The following ADGRL3 variants were observed in gnomAD, a reference collection of about 807,000 sequenced individuals.
The protein encoded by ADGRL3 is calcium-independent alpha-latrotoxin receptor 3.
Under a neutral mutation model 153.5 loss-of-function variants are expected in ADGRL3, and 62 were observed. The observed-to-expected ratio is 0.40, with a 90% CI of 0.33 to 0.50. The LOEUF (loss-of-function observed/expected upper bound fraction) is 0.50. Ranked by LOEUF, ADGRL3 falls within the 20% of genes least tolerant of loss-of-function variation. ADGRL3 has a pLI of 0.47. For missense variants in ADGRL3, 1,641 were observed against 1,859.4 expected (o/e 0.88, Z 2.16); for synonymous variants, 710 against 672.5 (o/e 1.06, Z -0.86).
rs568834862 is a variant in ADGRL3 at position 61,209,812 on chromosome 4, C to T, written c.-240+8047C>T. 6.6e-5 allele frequency among the ~76,000 whole-genome samples: 10 copies of T among 152,212 alleles called. 1 individual carries two copies. The highest frequency in any genetic ancestry group is 3.9e-4 in the Admixed American group (6 of 15,290). On this transcript the variant is annotated intron_variant, in intron 1 of 26. Coordinates refer to ENST00000683033, the MANE Select transcript of ADGRL3 (RefSeq NM_001387552.1). ...AATTTAAGATGTTTTAAATTAAATGCCCTATTATCTTTTCACATGTCAATC... is the reference window on the plus strand; with the variant it reads ...AATTTAAGATGTTTTAAATTAAATGTCCTATTATCTTTTCACATGTCAATC...
At chr4:61,705,781 G>C (rs2095847671) in intron 6 of ADGRL3, among the ~76,000 whole-genome samples, 1 of 152,094 alleles carries the variant, frequency 6.6e-6, no homozygotes, top group Non-Finnish European at 1.5e-5. Flanking sequence ...TAAGATTACA[G>C]GCATGAACCA....
intron 1 of ADGRL3, among the ~76,000 whole-genome samples, chr4:61,210,868 G>A (rs1739673268): frequency 1.3e-5 from 2 of 152,222 alleles, no homozygotes; most frequent in Non-Finnish European, 2.9e-5. Context: ...GGCTTTAAAT[G>A]TTCGGTTGAT....
At chr4:61,307,467 G>C (rs2094834426) in intron 1 of ADGRL3, among the ~76,000 whole-genome samples, 1 of 151,866 alleles carries the variant, frequency 6.6e-6, no homozygotes, top group Non-Finnish European at 1.5e-5. Flanking sequence ...GAAACCAGGG[G>C]CCTTTAACTT....
chr4:61,296,868 T>C (rs1014706584), intron 1 of ADGRL3, among the ~76,000 whole-genome samples: 7 of 152,184 alleles, frequency 4.6e-5, no homozygotes, highest in African/African-American at 9.7e-5. Flanking sequence ...TTTCCATTCT[T>C]TGACTCACTT....
At chr4:61,720,834 A>G (rs1233591497) in intron 6 of ADGRL3, among the ~76,000 whole-genome samples, 1 of 152,206 alleles carries the variant, frequency 6.6e-6, no homozygotes, top group Non-Finnish European at 1.5e-5. Flanking sequence ...CATAATTATC[A>G]TAATCCTTAT....
At chr4:61,683,046 G>A (rs1260438095) in intron 6 of ADGRL3, among the ~76,000 whole-genome samples, 1 of 151,820 alleles carries the variant, frequency 6.6e-6, no homozygotes, top group African/African-American at 2.4e-5. Flanking sequence ...ATTTGACTAG[G>A]GTGGTGGTGG....
Position 61,732,857 on chromosome 4 carries a change from T to G in ADGRL3, c.702T>G (p.Ser234=). ...GGTGCAAAGACCCTCTGCAGGCATC[T>G]GACAAGATTTATTATATGCCCTGGA... The part of the protein sequence containing the change: ...GAWCKDPLQA[S]DKIYYMPWTP... Residue 234 remains serine (S), a synonymous_variant, in exon 8 of 27, where the codon TCT becomes TCG. Transcript: ENST00000683033. 1.2e-6 allele frequency: 2 copies of G among 1,613,586 alleles called. No individual in the cohort carries two copies. Among genetic ancestry groups the G allele is most frequent in the Non-Finnish European group, 1.7e-6 (2 of 1,179,780 alleles).
chr4:61,737,216 G>A (rs2096529414), intron 8 of ADGRL3, among the ~76,000 whole-genome samples: 1 of 152,142 alleles, frequency 6.6e-6, no homozygotes, highest in African/African-American at 2.4e-5. Context: ...TAGACCCAAA[G>A]TGTATTTGTC....
At chr4:61,329,912 G>C (rs2095538144) in intron 1 of ADGRL3, among the ~76,000 whole-genome samples, 1 of 152,120 alleles carries the variant, frequency 6.6e-6, no homozygotes, top group Non-Finnish European at 1.5e-5. Context: ...AAAACCTAAG[G>C]TTAGTCCATG....
intron 2 of ADGRL3, among the ~76,000 whole-genome samples, chr4:61,466,027 C>G (rs2152644657): frequency 6.6e-6 from 1 of 151,800 alleles, no homozygotes; most frequent in East Asian, 1.9e-4. Flanking sequence ...GAGGCTGAGA[C>G]AGGAGAATCA....
intron 1 of ADGRL3, among the ~76,000 whole-genome samples, chr4:61,222,336 G>C (rs907257596): frequency 3.3e-5 from 5 of 151,908 alleles, no homozygotes; most frequent in African/African-American, 1.2e-4. Flanking sequence ...CATATTTATG[G>C]AGTACATAGC....
chr4:61,919,734 A>G (rs550273366), intron 13 of ADGRL3, among the ~76,000 whole-genome samples: 1 of 152,314 alleles, frequency 6.6e-6, no homozygotes, highest in Non-Finnish European at 1.5e-5. Context: ...ACAGATGTTG[A>G]TCATGGAGAT....
intron 1 of ADGRL3, among the ~76,000 whole-genome samples, chr4:61,221,247 A>G (rs370409516): frequency 3.8e-4 from 58 of 152,312 alleles, no homozygotes; most frequent in African/African-American, 1.3e-3. Context: ...AAAAACATAC[A>G]ATTGACATGC....
At chr4:61,800,540 T>G (rs1042329186) in intron 8 of ADGRL3, among the ~76,000 whole-genome samples, 1 of 152,174 alleles carries the variant, frequency 6.6e-6, no homozygotes, top group Non-Finnish European at 1.5e-5. Context: ...AAGGATACTA[T>G]CAATGATGTT....
chr4:61,775,402 TTG>T (rs61671331), intron 8 of ADGRL3: 37,239 of 427,812 alleles, frequency 0.087, 5 homozygotes, highest in South Asian at 0.11. Context: ...TTTTCTTTCT[TTG>T]TGTGTGTGTG....
chr4:61,608,471 G>A (rs1394764233), intron 5 of ADGRL3, among the ~76,000 whole-genome samples: 3 of 151,902 alleles, frequency 2.0e-5, no homozygotes, highest in African/African-American at 4.8e-5. Context: ...TAAAAACTGA[G>A]GCGAATATTA....
rs1032121590 is a variant in ADGRL3, at chr4:61,200,696, G to C, written c.-1309G>C. The stretch of plus-strand genomic sequence containing the variant: ...GCACGGTTTGCTTTGGCAGGAGCTC[G>C]CTCGTGTGTGCGCGTGTGTGAGTGT... On this transcript the variant is annotated 5_prime_UTR_variant, in exon 1 of 27. Coordinates refer to ENST00000683033, the MANE Select transcript of ADGRL3 (RefSeq NM_001387552.1). 1.3e-5 allele frequency among the ~76,000 whole-genome samples: 2 copies of C among 151,940 alleles called. No individual in the cohort carries two copies. The highest frequency in any genetic ancestry group is 4.8e-5 in the African/African-American group (2 of 41,398).
chr4:61,893,308 C>G (rs980708020), intron 10 of ADGRL3, among the ~76,000 whole-genome samples: 2 of 151,930 alleles, frequency 1.3e-5, no homozygotes, highest in Non-Finnish European at 2.9e-5. Flanking sequence ...TGCACTTTGC[C>G]CTCATAGTTT....
intron 13 of ADGRL3, among the ~76,000 whole-genome samples, chr4:61,915,225 G>A (rs929707804): frequency 2.7e-5 from 4 of 149,288 alleles, no homozygotes; most frequent in African/African-American, 9.8e-5. Flanking sequence ...AAATTGCTTT[G>A]GGAGGTATAT....
Sources: allele counts gnomAD v4.1 joint callset (sites outside exome capture counted in the v4.1 genomes callset), GRCh38; gene constraint gnomAD v4.1.1; transcripts MANE v1.5; gene names NCBI Gene and HGNC (gene_info 2026-07-23, HGNC 2026-07-21).